The following GOLGA5 variants were observed in gnomAD, a reference collection of about 807,000 sequenced individuals.
GOLGA5 encodes the protein golgin A5.
Under a neutral mutation model 93.5 loss-of-function variants are expected in GOLGA5, and 50 were observed. The ratio of observed to expected loss-of-function variants is 0.53; its 90% CI spans 0.43 to 0.68. The LOEUF (loss-of-function observed/expected upper bound fraction) is 0.68. Ranked by LOEUF, GOLGA5 falls within the 30% of genes least tolerant of loss-of-function variation. GOLGA5 has a pLI of 0.00. For synonymous variants in GOLGA5, 312 were observed against 304.5 expected (o/e 1.02, Z -0.26); for missense variants, 760 against 856.4 (o/e 0.89, Z 1.40).
In GOLGA5 at chr14:92,797,624, A is replaced by T; in HGVS notation, c.187A>T (p.Ile63Phe). The T allele has an allele frequency of 6.2e-7, 1 of 1,613,260 alleles. No individual in the cohort carries two copies. The change falls in exon 2 of 13, where the codon ATT (isoleucine) becomes TTT (phenylalanine). Residue 63 changes from isoleucine to phenylalanine, a missense_variant. Ile to Phe is a conservative substitution (Grantham distance 21). Transcript: ENST00000163416. ...IYQTGPKSTY[I>F]SSAADNIRNQ... ...TCAGACTGGACCTAAATCTACGTAT[A>T]TTTCATCAGCAGCTGATAACATTCG...
At chr14:92,832,699 G>A (rs909824951) in intron 9 of GOLGA5, among the ~76,000 whole-genome samples, 4 of 152,154 alleles carry the variant, frequency 2.6e-5, no homozygotes, top group Non-Finnish European at 4.4e-5. Context: ...GTTGAATGAC[G>A]GAGGCTTTTG....
chr14:92,794,885 T>C (rs1382912986), intron 1 of GOLGA5, among the ~76,000 whole-genome samples: 1 of 68,144 alleles, frequency 1.5e-5, no homozygotes, highest in Admixed American at 1.8e-4. Context: ...CCCATCCCCA[T>C]CCCACGCACT....
chr14:92,832,204 A>T (rs1250529970), intron 9 of GOLGA5, among the ~76,000 whole-genome samples: 1 of 152,180 alleles, frequency 6.6e-6, no homozygotes, highest in Non-Finnish European at 1.5e-5. Context: ...TGATTAGGGG[A>T]TCACAGTGCA....
chr14:92,808,053 T>C (rs2140317835), intron 3 of GOLGA5, among the ~76,000 whole-genome samples: 1 of 151,898 alleles, frequency 6.6e-6, no homozygotes, highest in East Asian at 2.0e-4. Flanking sequence ...GCCAACATGG[T>C]GAAACCCGTC....
chr14:92,816,531 C>CGCTTT (rs933619871), intron 7 of GOLGA5, 110 bp downstream of exon 7: 15 of 656,936 alleles, frequency 2.3e-5, no homozygotes, highest in Middle Eastern at 4.1e-4. Context: ...CGCTTCTCTT[C>CGCTTT]GCTTCGCTTC....
At chr14:92,799,230 A>G (rs894292493) in intron 2 of GOLGA5, among the ~76,000 whole-genome samples, 9 of 150,450 alleles carry the variant, frequency 6.0e-5, no homozygotes, top group South Asian at 2.1e-4. Context: ...CTCCCACAGC[A>G]TTGGGATTAT....
In GOLGA5 at chr14:92,811,480, G is replaced by A. The variant is rs189037186; in HGVS notation, c.1117-71G>A. ...AGCTAATAAATCCCATAAGATATCC[G>A]AATGGATGGTTGTAAAATATGTTTC... On this transcript the variant is annotated intron_variant, in intron 5 of 12. Transcript: ENST00000163416. 347 of 1,056,126 alleles carry A rather than the reference G, an allele frequency of 3.3e-4. 3 individuals are homozygous for A. In the African/African-American group the frequency reaches 5.1e-3, roughly 16 times the overall value. 65.4% of individuals were successfully genotyped at this position (1,056,126 alleles called of 1,614,324 possible). A position where few individuals can be genotyped will look rare whatever the true frequency, so the allele number is the denominator to read the frequency against.
intron 8 of GOLGA5, 35 bp downstream of exon 8, chr14:92,819,871 G>T: frequency 6.2e-7 from 1 of 1,607,974 alleles, no homozygotes; most frequent in Non-Finnish European, 8.5e-7. Context: ...CTGAGACTCT[G>T]TCCTCTAGCG....
chr14:92,797,500 G>C lies in GOLGA5; in HGVS notation c.63G>C (p.Gly21=), dbSNP rs144267601. 1.5e-5 allele frequency: 24 copies of C among 1,613,464 alleles called. No homozygotes were observed. In the East Asian group the frequency reaches 5.1e-4, roughly 34 times the overall value. The change falls in exon 2 of 13, where the codon GGG becomes GGC. Residue 21 remains glycine (G), a synonymous_variant. Coordinates refer to ENST00000163416, the MANE Select transcript of GOLGA5 (RefSeq NM_005113.4). ...AEDLLNRVDQ[G]AATALSRKDN... ...ATCTTTTAAACCGAGTTGATCAAGG[G>C]GCTGCAACAGCTCTCAGTAGGAAAG...
chr14:92,821,506 A>G (rs1210905819), intron 8 of GOLGA5, among the ~76,000 whole-genome samples: 1 of 152,206 alleles, frequency 6.6e-6, no homozygotes. Flanking sequence ...CAACATTGTT[A>G]TAGGCATTTA....
chr14:92,832,868 T>TTA (rs1285364506), intron 9 of GOLGA5, among the ~76,000 whole-genome samples: 3 of 152,226 alleles, frequency 2.0e-5, no homozygotes, highest in African/African-American at 7.2e-5. Context: ...AATTATACTT[T>TTA]TATATATACT....
chr14:92,832,973 TGAAAATCAC>T, intron 9 of GOLGA5, 140 bp from the exon 10 acceptor site: 1 of 604,266 alleles, frequency 1.7e-6, no homozygotes. Context: ...CCCCAGTTTT[TGAAAATCAC>T]TTTTGTAGAC....
At chr14:92,825,855 C>CAAAAA (rs35982767) in intron 9 of GOLGA5, among the ~76,000 whole-genome samples, 10 of 117,050 alleles carry the variant, frequency 8.5e-5, no homozygotes, top group East Asian at 2.5e-4. Flanking sequence ...GACCCTGTCT[C>CAAAAA]AAAAAAAAAA....
chr14:92,823,302 G>A (rs549633794), intron 8 of GOLGA5, among the ~76,000 whole-genome samples: 14 of 152,016 alleles, frequency 9.2e-5, no homozygotes, highest in African/African-American at 3.1e-4. Flanking sequence ...TCTTCCATTA[G>A]TCACTTTGTC....
intron 8 of GOLGA5, among the ~76,000 whole-genome samples, chr14:92,820,985 T>G (rs1885307299): frequency 6.6e-6 from 1 of 152,232 alleles, no homozygotes; most frequent in Admixed American, 6.5e-5. Flanking sequence ...TACACCATCC[T>G]CCTTGATTTT....
At chr14:92,832,294 G>A (rs1230292738) in intron 9 of GOLGA5, among the ~76,000 whole-genome samples, 1 of 152,146 alleles carries the variant, frequency 6.6e-6, no homozygotes, top group Non-Finnish European at 1.5e-5. Context: ...GTTATTTGTT[G>A]TGGTGTACTT....
intron 2 of GOLGA5, among the ~76,000 whole-genome samples, chr14:92,806,154 A>C (rs537497617): frequency 6.6e-6 from 1 of 152,218 alleles, no homozygotes; most frequent in Non-Finnish European, 1.5e-5. Flanking sequence ...ACCTGAACCC[A>C]ACCACTCACA....
In GOLGA5 at chr14:92,808,086, T is replaced by G. The variant is rs567389436; in HGVS notation, c.772+1123T>G. 2.6e-5 allele frequency among the ~76,000 whole-genome samples: 4 copies of G among 152,070 alleles called. No homozygotes were observed. In the East Asian group the frequency reaches 7.8e-4, roughly 30 times the overall value. ...GTCTCTACTAAAAATACAAAAAAAT[T>G]AGCTGGGCATGGTGGCGCGTGCCTG... On this transcript the variant is annotated intron_variant, in intron 3 of 12. Coordinates refer to ENST00000163416, the MANE Select transcript of GOLGA5 (RefSeq NM_005113.4).
chr14:92,805,402 T>C (rs1196114228), intron 2 of GOLGA5, among the ~76,000 whole-genome samples: 1 of 152,202 alleles, frequency 6.6e-6, no homozygotes, highest in Admixed American at 6.5e-5. Flanking sequence ...TTTATGGACA[T>C]TGGGTTTGTT....
Sources: gnomAD v4.1 joint callset for allele counts (sites outside exome capture counted in the v4.1 genomes callset) on GRCh38, gnomAD v4.1.1 for gene constraint, MANE v1.5 for transcripts, NCBI Gene and HGNC (gene_info 2026-07-23, HGNC 2026-07-21) for gene names.